TENM4: variants seen among roughly 807,000 people sequenced by gnomAD.
The protein encoded by TENM4 is teneurin transmembrane protein 4, also known as teneurin-4.
Under a neutral mutation model 243.3 loss-of-function variants are expected in TENM4, and 82 were observed. The ratio of observed to expected loss-of-function variants is 0.34; its 90% CI spans 0.28 to 0.40. The LOEUF is 0.40. Ranked by LOEUF, TENM4 falls within the 10% of genes least tolerant of loss-of-function variation. The pLI is 1.00. For synonymous variants in TENM4, 1,412 were observed against 1,456.3 expected, an observed-to-expected ratio of 0.97 and a Z score of 0.69; for missense variants, 3,138 against 3,673.3, an observed-to-expected ratio of 0.85 and a Z score of 3.77.
chr11:79,077,842 T>A (rs1046415991), intron 4 of TENM4, among the ~76,000 whole-genome samples: 12 of 152,220 alleles, frequency 7.9e-5, no homozygotes, highest in African/African-American at 2.9e-4. Context: ...AGAGAGAGCC[T>A]GCCCTCGGAG....
intron 6 of TENM4, among the ~76,000 whole-genome samples, chr11:79,035,403 G>T (rs1298306629): frequency 6.6e-6 from 1 of 152,132 alleles, no homozygotes; most frequent in African/African-American, 2.4e-5. Flanking sequence ...ACAGCTCTGT[G>T]TCACTCTGCT....
intron 1 of TENM4, among the ~76,000 whole-genome samples, chr11:79,432,438 G>A (rs898985643): frequency 6.6e-6 from 1 of 152,158 alleles, no homozygotes; most frequent in African/African-American, 2.4e-5. Context: ...GCAGAGCTGG[G>A]TTTATTTAGT....
At chr11:79,399,220 A>C (rs944141185) in intron 1 of TENM4, among the ~76,000 whole-genome samples, 2 of 152,184 alleles carry the variant, frequency 1.3e-5, no homozygotes, top group Non-Finnish European at 2.9e-5. Context: ...AAGCCAGTCC[A>C]CCAGGCACAG....
At chr11:78,692,727 T>G (rs1234053703) in intron 28 of TENM4, among the ~76,000 whole-genome samples, 1 of 152,204 alleles carries the variant, frequency 6.6e-6, no homozygotes. Context: ...CACGTCCTTC[T>G]TCTCCCTGTA....
Position 78,738,585 on chromosome 11 carries a change from G to A in TENM4, c.2757-15C>T. 6.2e-7 allele frequency: 1 copy of A among 1,612,322 alleles called. No individual in the cohort carries two copies. Among genetic ancestry groups the A allele is most frequent in the Non-Finnish European group, 8.5e-7 (1 of 1,179,144 alleles). ...CACAAGCATGCCTGTGGGAAGAGAA[G>A]AGAGAATAAACATGATACACCTTTC... On this transcript the variant is annotated splice_polypyrimidine_tract_variant and intron_variant, in intron 19 of 33. Coordinates refer to ENST00000278550, the MANE Select transcript of TENM4 (RefSeq NM_001098816.3).
At chr11:79,045,797 C>A (rs1245407165) in intron 6 of TENM4, among the ~76,000 whole-genome samples, 1 of 151,570 alleles carries the variant, frequency 6.6e-6, no homozygotes, top group African/African-American at 2.4e-5. Context: ...AAGACTTCAC[C>A]TTTGCCTGCT....
intron 12 of TENM4, among the ~76,000 whole-genome samples, chr11:78,840,625 C>T (rs1368324761): frequency 6.6e-6 from 1 of 152,210 alleles, no homozygotes; most frequent in African/African-American, 2.4e-5. Context: ...TGTAAAGGAG[C>T]TCTTCCCCCA....
chr11:78,766,345 C>T (rs1309718151), intron 18 of TENM4, among the ~76,000 whole-genome samples: 1 of 152,194 alleles, frequency 6.6e-6, no homozygotes, highest in Non-Finnish European at 1.5e-5. Context: ...CATGGTGTCA[C>T]CATCTTTGAA....
intron 2 of TENM4, among the ~76,000 whole-genome samples, chr11:79,269,966 C>T (rs1855941353): frequency 6.6e-6 from 1 of 152,190 alleles, no homozygotes; most frequent in African/African-American, 2.4e-5. Flanking sequence ...CTATCCCTGA[C>T]TTCCCCTCTT....
intron 20 of TENM4, among the ~76,000 whole-genome samples, chr11:78,733,930 T>C (rs1488499791): frequency 6.6e-6 from 1 of 152,210 alleles, no homozygotes. Context: ...GGCTCACATC[T>C]GTAATCCCAG....
intron 12 of TENM4, among the ~76,000 whole-genome samples, chr11:78,835,866 C>T (rs1188171862): frequency 2.6e-5 from 4 of 152,214 alleles, no homozygotes; most frequent in African/African-American, 7.2e-5. Flanking sequence ...CTTGAAGATC[C>T]ACTAGGGCAG....
At chr11:78,771,206 G>T (rs1241603915) in intron 17 of TENM4, 68 bp from the exon 18 acceptor site, 13 of 1,524,678 alleles carry the variant, frequency 8.5e-6, no homozygotes, top group Non-Finnish European at 1.1e-5. Flanking sequence ...ACACTAACAC[G>T]CTACCTGCCA....
At chr11:78,939,253 A>G (rs1290434726) in intron 6 of TENM4, among the ~76,000 whole-genome samples, 1 of 152,198 alleles carries the variant, frequency 6.6e-6, no homozygotes, top group Non-Finnish European at 1.5e-5. Context: ...ACAGTGTTTC[A>G]GAAGCCCAGA....
intron 26 of TENM4, among the ~76,000 whole-genome samples, chr11:78,711,787 C>G (rs1338504301): frequency 7.9e-5 from 12 of 152,150 alleles, no homozygotes; most frequent in Admixed American, 7.9e-4. Flanking sequence ...TGGCTCTAAA[C>G]CCCCATGAAC....
chr11:79,412,951 G>A (rs1455987108), intron 1 of TENM4, among the ~76,000 whole-genome samples: 1 of 152,192 alleles, frequency 6.6e-6, no homozygotes, highest in Non-Finnish European at 1.5e-5. Context: ...ACACAGATAT[G>A]AGTCACTACA....
At chr11:78,713,255 T>C (rs184599795) in intron 25 of TENM4, among the ~76,000 whole-genome samples, 51 of 152,316 alleles carry the variant, frequency 3.3e-4, no homozygotes, top group African/African-American at 1.2e-3. Context: ...CCGTCTTCAG[T>C]GGATACTCAT....
At chr11:79,240,539 C>A (rs2135280025) in intron 2 of TENM4, among the ~76,000 whole-genome samples, 1 of 152,258 alleles carries the variant, frequency 6.6e-6, no homozygotes, top group Non-Finnish European at 1.5e-5. Context: ...TTAAGTAACT[C>A]ATCCAAGGTC....
At chr11:78,714,868 G>A (rs1398674808) in intron 25 of TENM4, among the ~76,000 whole-genome samples, 2 of 152,148 alleles carry the variant, frequency 1.3e-5, no homozygotes, top group Non-Finnish European at 2.9e-5. Context: ...CCCCGTGCAT[G>A]GAGATTTGCA....
intron 3 of TENM4, among the ~76,000 whole-genome samples, chr11:79,191,951 G>T (rs1590782324): frequency 2.0e-5 from 3 of 151,498 alleles, no homozygotes; most frequent in African/African-American, 2.4e-5. Context: ...GGAGGTGGGG[G>T]TCAGCCCCCC....
Sources: gnomAD v4.1 joint callset for allele counts (sites outside exome capture counted in the v4.1 genomes callset) on GRCh38, gnomAD v4.1.1 for gene constraint, MANE v1.5 for transcripts, NCBI Gene and HGNC (gene_info 2026-07-23, HGNC 2026-07-21) for gene names.